ADAM32: variants seen among roughly 807,000 people sequenced by gnomAD.
The protein encoded by ADAM32 is ADAM metallopeptidase domain 32.
A neutral mutation model predicts 114.9 loss-of-function variants in ADAM32; 89 were observed. The observed-to-expected ratio is 0.77, with a 90% CI of 0.65 to 0.92. The LOEUF (loss-of-function observed/expected upper bound fraction) is 0.92, where lower values mean the gene tolerates loss of function less well. Ranked by LOEUF, ADAM32 falls within the 40% of genes least tolerant of loss-of-function variation. The probability of loss-of-function intolerance (pLI) is 0.00; values close to 1 mark genes in which losing one functional copy is unlikely to be tolerated. For missense variants in ADAM32, 870 were observed against 932.8 expected, an observed-to-expected ratio of 0.93 and a Z score of 0.88; for synonymous variants, 285 against 307.5, an observed-to-expected ratio of 0.93 and a Z score of 0.77.
At chr8:39,124,572 C>T (rs1236986246) in intron 2 of ADAM32, among the ~76,000 whole-genome samples, 2 of 152,086 alleles carry the variant, frequency 1.3e-5, no homozygotes, top group East Asian at 3.9e-4. Context: ...CACCTGCCAT[C>T]ATGCCCAGCT....
At chr8:39,279,498 C>T (rs190981362) in intron 22 of ADAM32, among the ~76,000 whole-genome samples, 8 of 152,124 alleles carry the variant, frequency 5.3e-5, no homozygotes, top group East Asian at 3.9e-4. Flanking sequence ...TGGCCAGGCT[C>T]TTCTTGAACT....
intron 2 of ADAM32, among the ~76,000 whole-genome samples, chr8:39,134,522 C>T (rs1802664420): frequency 6.6e-6 from 1 of 152,084 alleles, no homozygotes; most frequent in African/African-American, 2.4e-5. Context: ...CTGTCACTTC[C>T]CTGCTGAATT....
chr8:39,211,462 C>G (rs928855767), intron 12 of ADAM32, 138 bp downstream of exon 12: 20 of 832,524 alleles, frequency 2.4e-5, no homozygotes, highest in Non-Finnish European at 3.2e-5. Flanking sequence ...GAAATACATA[C>G]AAGAAAATAC....
At chr8:39,219,275 A>G (rs1808789765) in intron 12 of ADAM32, among the ~76,000 whole-genome samples, 1 of 152,080 alleles carries the variant, frequency 6.6e-6, no homozygotes, top group Non-Finnish European at 1.5e-5. Flanking sequence ...GTGTCTCTAC[A>G]GGTCACTTGC....
intron 3 of ADAM32, among the ~76,000 whole-genome samples, chr8:39,143,586 C>A (rs1341642917): frequency 6.6e-6 from 1 of 152,182 alleles, no homozygotes; most frequent in Non-Finnish European, 1.5e-5. Flanking sequence ...CTGGAAACTT[C>A]ATCCCAGAGG....
At chr8:39,278,309 G>GAAAAGGTAACAT (rs11271773) in intron 22 of ADAM32, among the ~76,000 whole-genome samples, 2 of 151,820 alleles carry the variant, frequency 1.3e-5, no homozygotes, top group African/African-American at 4.8e-5. Flanking sequence ...GGTGGTTTAG[G>GAAAAGGTAACAT]TTGAGCAGGA....
chr8:39,281,795 G>A (rs1047624429), intron 23 of ADAM32, among the ~76,000 whole-genome samples: 1 of 152,140 alleles, frequency 6.6e-6, no homozygotes, highest in African/African-American at 2.4e-5. Flanking sequence ...TTTCTCCATT[G>A]TAGAGTTTTC....
intron 19 of ADAM32, among the ~76,000 whole-genome samples, chr8:39,262,412 G>C (rs774675785): frequency 3.3e-5 from 5 of 152,058 alleles, no homozygotes; most frequent in Admixed American, 3.3e-4. Flanking sequence ...GTAAGTGTCT[G>C]TTTTCATGCC....
intron 19 of ADAM32, among the ~76,000 whole-genome samples, chr8:39,264,344 T>C (rs1204014514): frequency 6.6e-6 from 1 of 152,178 alleles, no homozygotes; most frequent in Non-Finnish European, 1.5e-5. Context: ...TTTGTGTGTA[T>C]AGAGGTGTTT....
chr8:39,107,706 GCGCGTCCC>G, upstream of ADAM32: 3 of 1,547,462 alleles, frequency 1.9e-6, no homozygotes, highest in Non-Finnish European at 2.6e-6. Flanking sequence ...CCCGGCGTCC[GCGCGTCCC>G]CGCGTCCCTG....
At chr8:39,191,144 A>G (rs1806578411) in intron 11 of ADAM32, among the ~76,000 whole-genome samples, 1 of 152,208 alleles carries the variant, frequency 6.6e-6, no homozygotes, top group Non-Finnish European at 1.5e-5. Context: ...GTCTTCATCT[A>G]GTCTACCACT....
At position 39,191,163 on chromosome 8, in the gene ADAM32, T is replaced by C. The variant is rs116969530; in HGVS notation, c.1052+4118T>C. Among the ~76,000 whole-genome samples, 77 of 152,308 alleles carry C rather than the reference T, an allele frequency of 5.1e-4. No homozygotes were observed. In the East Asian group the frequency reaches 0.013, roughly 26 times the overall value. On this transcript the variant is annotated intron_variant, in intron 11 of 24. Coordinates refer to ENST00000379907, the MANE Select transcript of ADAM32 (RefSeq NM_145004.7). The stretch of plus-strand genomic sequence containing the variant: ...TCATCTAGTCTACCACTGATGAGCA[T>C]TTAGGTTAACTTCATGTCTTTGCTG...
At chr8:39,109,539 C>T (rs2129443916) in intron 1 of ADAM32, among the ~76,000 whole-genome samples, 1 of 152,130 alleles carries the variant, frequency 6.6e-6, no homozygotes, top group South Asian at 2.1e-4. Context: ...AAGAGCAAAA[C>T]TCCATCTCAA....
At chr8:39,177,081 C>T (rs559223988) in intron 10 of ADAM32, among the ~76,000 whole-genome samples, 153 of 145,654 alleles carry the variant, frequency 1.1e-3, no homozygotes, top group Non-Finnish European at 1.9e-3. Flanking sequence ...TTTTTGGAGA[C>T]AGGAGTCTCA....
At chr8:39,222,084 C>G (rs1257587729) in intron 13 of ADAM32, among the ~76,000 whole-genome samples, 1 of 151,970 alleles carries the variant, frequency 6.6e-6, no homozygotes, top group Non-Finnish European at 1.5e-5. Flanking sequence ...AGCAGATTTC[C>G]TTAAATGTAT....
intron 3 of ADAM32, among the ~76,000 whole-genome samples, chr8:39,138,121 A>T (rs1031830005): frequency 3.3e-5 from 5 of 152,222 alleles, no homozygotes; most frequent in African/African-American, 1.2e-4. Flanking sequence ...TGAGAAGCAG[A>T]ACTATGACTA....
At chr8:39,262,264 T>G (rs1237394414) in intron 19 of ADAM32, among the ~76,000 whole-genome samples, 1 of 152,056 alleles carries the variant, frequency 6.6e-6, no homozygotes, top group African/African-American at 2.4e-5. Context: ...CCTATGCATG[T>G]GGATATCCAG....
intron 2 of ADAM32, among the ~76,000 whole-genome samples, chr8:39,134,002 G>A (rs1802626643): frequency 6.6e-6 from 1 of 152,168 alleles, no homozygotes; most frequent in Non-Finnish European, 1.5e-5. Context: ...CTTTGTCCAG[G>A]TGGCAGCCTT....
At chr8:39,193,823 G>A (rs914342772) in intron 11 of ADAM32, among the ~76,000 whole-genome samples, 7 of 152,174 alleles carry the variant, frequency 4.6e-5, no homozygotes, top group African/African-American at 1.7e-4. Context: ...CTAGTATCAT[G>A]CCCCAGCTTT....
Sources: allele counts gnomAD v4.1 joint callset (sites outside exome capture counted in the v4.1 genomes callset), GRCh38; gene constraint gnomAD v4.1.1; transcripts MANE v1.5; gene names NCBI Gene and HGNC (gene_info 2026-07-23, HGNC 2026-07-21).